The following RBM20 variants were observed in gnomAD, a reference collection of about 807,000 sequenced individuals.
The protein encoded by RBM20 is RNA binding motif protein 20, also known as RNA-binding protein 20.
A neutral mutation model predicts 110.1 loss-of-function variants in RBM20; 51 were observed. The ratio of observed to expected loss-of-function variants is 0.46; its 90% CI spans 0.37 to 0.59. The LOEUF (loss-of-function observed/expected upper bound fraction) is 0.59. Among genes scored for constraint, RBM20 ranks in the 20% least tolerant of loss-of-function variants. The pLI is 0.00. For synonymous variants in RBM20, 589 were observed against 618.2 expected, an observed-to-expected ratio of 0.95 and a Z score of 0.70; for missense variants, 1,512 against 1,574.9, an observed-to-expected ratio of 0.96 and a Z score of 0.68.
At chr10:110,674,337 T>A (rs1289506089) in intron 1 of RBM20, among the ~76,000 whole-genome samples, 1 of 152,232 alleles carries the variant, frequency 6.6e-6, no homozygotes, top group African/African-American at 2.4e-5. Flanking sequence ...GGGAATTGCT[T>A]ACAACAGGGA....
chr10:110,706,745 C>T, intron 1 of RBM20, among the ~76,000 whole-genome samples: 1 of 152,174 alleles, frequency 6.6e-6, no homozygotes, highest in East Asian at 1.9e-4. Flanking sequence ...GCTGTTTCTC[C>T]TAATCAAAGA....
chr10:110,694,880 C>T (rs1208723876), intron 1 of RBM20, among the ~76,000 whole-genome samples: 1 of 151,966 alleles, frequency 6.6e-6, no homozygotes, highest in Admixed American at 6.6e-5. Flanking sequence ...TTGAATTTTG[C>T]CCAAATTTAG....
chr10:110,796,762 A>AT (rs1564848985), intron 5 of RBM20, among the ~76,000 whole-genome samples: 1 of 152,178 alleles, frequency 6.6e-6, no homozygotes, highest in Non-Finnish European at 1.5e-5. Context: ...TCTTAAAAAA[A>AT]ATTATTCTAT....
chr10:110,838,898 C>T lies in RBM20; in HGVS notation c.*2920C>T, dbSNP rs1296507832. 2 of 152,166 alleles carry T rather than the reference C, an allele frequency of 1.3e-5. No individual in the cohort carries two copies. Among genetic ancestry groups the T allele is most frequent in the Non-Finnish European group, 2.9e-5 (2 of 68,030 alleles). The allele number at this position is 152,166 out of a possible 1,614,324, so 9.4% of individuals were successfully genotyped here. On this transcript the variant is annotated 3_prime_UTR_variant, in exon 14 of 14. Coordinates refer to ENST00000369519, the MANE Select transcript of RBM20 (RefSeq NM_001134363.3). ...TTCCATTGGCATGGTCCTTCACCGACCCTATGATTTGCACTTTTTATTTCT... is the reference window on the plus strand; with the variant it reads ...TTCCATTGGCATGGTCCTTCACCGATCCTATGATTTGCACTTTTTATTTCT...
In RBM20 at chr10:110,780,959, C is replaced by T. The variant is rs186482685; in HGVS notation, c.350C>T (p.Ala117Val). ...QTAVTNNTAA[A>V]TVLNQVLSKV... ...GCTGTCACCAACAACACTGCAGCCG[C>T]CACAGTCCTGAACCAAGTCCTCTCC... Residue 117 changes from alanine (A) to valine (V), a missense_variant, in exon 2 of 14, where the codon GCC becomes GTC. Coordinates refer to ENST00000369519, the MANE Select transcript of RBM20 (RefSeq NM_001134363.3). 1 of 1,551,760 alleles carries T rather than the reference C, an allele frequency of 6.4e-7. No homozygotes were observed. Among genetic ancestry groups the T allele is most frequent in the East Asian group, 2.4e-5 (1 of 40,924 alleles).
At chr10:110,831,682 A>AAAAAAAAAAAAAAAAAAAAAC (rs1845057003) in intron 13 of RBM20, among the ~76,000 whole-genome samples, 1 of 136,472 alleles carries the variant, frequency 7.3e-6, no homozygotes, top group African/African-American at 2.6e-5. Flanking sequence ...AAAAAAAAAA[A>AAAAAAAAAAAAAAAAAAAAAC]AAAAAAAAAC....
chr10:110,679,173 G>C (rs1862384021), intron 1 of RBM20, among the ~76,000 whole-genome samples: 1 of 152,074 alleles, frequency 6.6e-6, no homozygotes, highest in South Asian at 2.1e-4. Context: ...ACAGTATCTG[G>C]CACATAGTAA....
intron 1 of RBM20, among the ~76,000 whole-genome samples, chr10:110,746,640 G>T (rs1843784469): frequency 6.6e-6 from 1 of 152,180 alleles, no homozygotes; most frequent in Admixed American, 6.5e-5. Context: ...CTATGATTTT[G>T]CACAGCTGGA....
At chr10:110,806,381 C>T (rs540207787) in intron 7 of RBM20, among the ~76,000 whole-genome samples, 1 of 152,214 alleles carries the variant, frequency 6.6e-6, no homozygotes, top group African/African-American at 2.4e-5. Flanking sequence ...CCTCAGAAAA[C>T]TTACAGTCGT....
In RBM20 at chr10:110,812,464, C is replaced by T; in HGVS notation, c.2067C>T (p.Asp689=). The T allele has an allele frequency of 1.9e-6, 3 of 1,551,694 alleles. No homozygotes were observed. The highest frequency in any genetic ancestry group is 1.7e-6 in the Non-Finnish European group (2 of 1,146,984). ...ATGCCAGGAGGGAGGAAGAGCGAGA[C>T]CCGGCTCCCTGGAGGGACAACGGAG... The part of the protein sequence containing the change: ...SPYARREEER[D]PAPWRDNGDD... The change falls in exon 9 of 14, where the codon GAC becomes GAT. Residue 689 remains aspartate (D), a synonymous_variant. Transcript: ENST00000369519.
chr10:110,814,867 C>A (rs946902501), intron 9 of RBM20, among the ~76,000 whole-genome samples: 4 of 152,210 alleles, frequency 2.6e-5, no homozygotes, highest in African/African-American at 7.2e-5. Context: ...TGGAGATAAT[C>A]GGCATGGCTG....
At chr10:110,806,748 T>G (rs1173563606) in intron 7 of RBM20, among the ~76,000 whole-genome samples, 1 of 152,198 alleles carries the variant, frequency 6.6e-6, no homozygotes, top group Non-Finnish European at 1.5e-5. Context: ...GTTTGAAATT[T>G]TCTACAATGA....
At chr10:110,734,791 C>T (rs548802220) in intron 1 of RBM20, among the ~76,000 whole-genome samples, 3 of 126,290 alleles carry the variant, frequency 2.4e-5, no homozygotes, top group East Asian at 1.9e-4. Context: ...CAGTGCTCCC[C>T]ACTCATGCCC....
rs2135050904 is a variant in RBM20, at chr10:110,784,773, T to C, written c.1430-19T>C. On this transcript the variant is annotated intron_variant, in intron 4 of 13. Coordinates refer to ENST00000369519, the MANE Select transcript of RBM20 (RefSeq NM_001134363.3). ...TTACATTCTGGGTTTTCACTGACTTTGTGTAATTCATCATTTAGATTATGC... is the reference window on the plus strand; with the variant it reads ...TTACATTCTGGGTTTTCACTGACTTCGTGTAATTCATCATTTAGATTATGC... 6.7e-7 allele frequency: 1 copy of C among 1,485,926 alleles called. No homozygotes were observed. Among genetic ancestry groups the C allele is most frequent in the Non-Finnish European group, 9.2e-7 (1 of 1,086,968 alleles). 92.0% of individuals were successfully genotyped at this position (1,485,926 alleles called of 1,614,324 possible).
chr10:110,716,906 C>T (rs924858684), intron 1 of RBM20, among the ~76,000 whole-genome samples: 4 of 131,732 alleles, frequency 3.0e-5, no homozygotes, highest in Middle Eastern at 3.4e-3. Context: ...GACACAACTC[C>T]GTCTCAAAAA....
At chr10:110,668,157 A>C (rs1862206527) in intron 1 of RBM20, among the ~76,000 whole-genome samples, 1 of 152,134 alleles carries the variant, frequency 6.6e-6, no homozygotes, top group Admixed American at 6.5e-5. Flanking sequence ...TGTGAACGTG[A>C]AGTCTTTCTT....
At chr10:110,813,437 G>A (rs545067572) in intron 9 of RBM20, among the ~76,000 whole-genome samples, 2 of 152,282 alleles carry the variant, frequency 1.3e-5, no homozygotes, top group South Asian at 4.1e-4. Flanking sequence ...GCATTTACCA[G>A]TCCTGGAACT....
intron 5 of RBM20, among the ~76,000 whole-genome samples, chr10:110,788,366 C>A (rs1300503600): frequency 6.6e-6 from 1 of 152,196 alleles, no homozygotes; most frequent in Non-Finnish European, 1.5e-5. Flanking sequence ...CAGCATCTGC[C>A]AAGATGAACT....
chr10:110,751,031 C>G (rs193241219), intron 1 of RBM20, among the ~76,000 whole-genome samples: 101 of 152,038 alleles, frequency 6.6e-4, no homozygotes, highest in African/African-American at 2.1e-3. Context: ...GCATGCTTTC[C>G]TTTTTGCCAG....
Sources: allele counts gnomAD v4.1 joint callset (sites outside exome capture counted in the v4.1 genomes callset), GRCh38; gene constraint gnomAD v4.1.1; transcripts MANE v1.5; gene names NCBI Gene and HGNC (gene_info 2026-07-23, HGNC 2026-07-21).